RIMS1: variants seen among roughly 807,000 people sequenced by gnomAD.
RIMS1 encodes the protein regulating synaptic membrane exocytosis 1.
A neutral mutation model predicts 214.1 loss-of-function variants in RIMS1; 83 were observed. The ratio of observed to expected loss-of-function variants is 0.39; its 90% CI spans 0.32 to 0.47. The LOEUF is 0.47. RIMS1 is among the 20% of genes least tolerant of loss of function. The pLI is 0.99. For missense variants in RIMS1, 2,050 were observed against 2,161.8 expected, an observed-to-expected ratio of 0.95 and a Z score of 1.03; for synonymous variants, 793 against 786.8, an observed-to-expected ratio of 1.01 and a Z score of -0.13.
At chr6:72,054,813 T>A (rs1035873111) in intron 2 of RIMS1, among the ~76,000 whole-genome samples, 8 of 152,228 alleles carry the variant, frequency 5.3e-5, no homozygotes, top group African/African-American at 1.9e-4. Flanking sequence ...TCCTTATAGA[T>A]TCTGGATATT....
At position 72,358,632 on chromosome 6, in the gene RIMS1, T is replaced by G. The variant is rs187419940; in HGVS notation, c.4366+24797T>G. 2.0e-5 allele frequency among the ~76,000 whole-genome samples: 3 copies of G among 152,226 alleles called. No individual in the cohort carries two copies. In the East Asian group the frequency reaches 5.8e-4, roughly 29 times the overall value. On this transcript the variant is annotated intron_variant, in intron 29 of 33. Transcript: ENST00000521978. ...CAGTTAAGTTTGTCAAGGAAAAGCA[T>G]GGGTTTTGAAATACTTATATTCTAT... is the stretch of plus-strand genomic sequence containing the variant.
At chr6:72,033,749 T>C (rs1167885676) in intron 2 of RIMS1, among the ~76,000 whole-genome samples, 1 of 152,298 alleles carries the variant, frequency 6.6e-6, no homozygotes, top group Middle Eastern at 3.4e-3. Flanking sequence ...CCCAAAGTGC[T>C]GAGATTACAG....
At chr6:72,228,022 A>G (rs1346955301) in intron 6 of RIMS1, among the ~76,000 whole-genome samples, 1 of 151,966 alleles carries the variant, frequency 6.6e-6, no homozygotes, top group South Asian at 2.1e-4. Context: ...AAAACTGTGC[A>G]TATTTATTGT....
At chr6:72,314,987 T>G (rs2095692917) in intron 28 of RIMS1, among the ~76,000 whole-genome samples, 1 of 152,186 alleles carries the variant, frequency 6.6e-6, no homozygotes, top group Non-Finnish European at 1.5e-5. Flanking sequence ...GTGAGTTCAT[T>G]TTCATTCTCC....
At chr6:72,123,028 T>A (rs540204246) in intron 4 of RIMS1, among the ~76,000 whole-genome samples, 11 of 151,994 alleles carry the variant, frequency 7.2e-5, no homozygotes, top group African/African-American at 2.6e-4. Flanking sequence ...TTGAATTTGG[T>A]TGCTCTTGCT....
At chr6:72,096,316 A>G (rs1562300632) in intron 2 of RIMS1, among the ~76,000 whole-genome samples, 2 of 152,228 alleles carry the variant, frequency 1.3e-5, no homozygotes, top group South Asian at 2.1e-4. Context: ...TGTAAAAGCT[A>G]ACATTCTGTG....
intron 29 of RIMS1, among the ~76,000 whole-genome samples, chr6:72,335,741 C>A (rs1432875334): frequency 6.6e-6 from 1 of 151,952 alleles, no homozygotes; most frequent in Non-Finnish European, 1.5e-5. Context: ...TCTGTTGTTT[C>A]CTGACTTTAT....
intron 6 of RIMS1, among the ~76,000 whole-genome samples, chr6:72,217,554 C>G (rs2056722733): frequency 6.6e-6 from 1 of 152,100 alleles, no homozygotes; most frequent in Non-Finnish European, 1.5e-5. Flanking sequence ...CATTTTTCTT[C>G]TCTGATGGAT....
intron 23 of RIMS1, among the ~76,000 whole-genome samples, chr6:72,275,762 C>T (rs2086045100): frequency 6.6e-6 from 1 of 152,038 alleles, no homozygotes; most frequent in African/African-American, 2.4e-5. Context: ...TGTGTAAATT[C>T]AATAAAAATT....
chr6:72,359,389 G>T (rs2097753712), intron 29 of RIMS1, among the ~76,000 whole-genome samples: 2 of 152,210 alleles, frequency 1.3e-5, no homozygotes, highest in Middle Eastern at 3.4e-3. Flanking sequence ...TTACATGTGG[G>T]AGTCAAACAT....
At chr6:72,174,606 G>A (rs986322395) in intron 4 of RIMS1, among the ~76,000 whole-genome samples, 2 of 152,268 alleles carry the variant, frequency 1.3e-5, no homozygotes, top group East Asian at 3.9e-4. Flanking sequence ...GTTATAAGCA[G>A]TTTAAGGACT....
rs571858110 is a variant in RIMS1, at chr6:72,305,567, T to C, written c.3851-1691T>C. Among the ~76,000 whole-genome samples, 13 of 152,196 alleles carry C rather than the reference T, an allele frequency of 8.5e-5. No individual in the cohort carries two copies. The East Asian group carries it at 2.5e-3, about 29-fold the overall frequency. ...TAGGCAAAAGACAGAGAACAGATAT[T>C]TTCACATTTTCTATATTGCATATGT... is the stretch of plus-strand genomic sequence containing the variant. On this transcript the variant is annotated intron_variant, in intron 26 of 33. Transcript: ENST00000521978.
intron 6 of RIMS1, among the ~76,000 whole-genome samples, chr6:72,223,028 T>C (rs1443471785): frequency 1.3e-5 from 2 of 152,222 alleles, no homozygotes; most frequent in East Asian, 3.8e-4. Context: ...TCAATGTGCT[T>C]GTTTGAACAA....
At chr6:72,193,275 C>T (rs2050347738) in intron 6 of RIMS1, among the ~76,000 whole-genome samples, 1 of 152,152 alleles carries the variant, frequency 6.6e-6, no homozygotes, top group African/African-American at 2.4e-5. Context: ...GGGTTGTACA[C>T]ATCTCTGAAG....
rs1482168284 is a variant in RIMS1 at position 72,182,551 on chromosome 6, C to G, written c.1080C>G (p.Asn360Lys). The change falls in exon 6 of 34, where the codon AAC (asparagine) becomes AAG (lysine). Residue 360 changes from asparagine (N) to lysine (K), a missense_variant. This residue lies in a region of RIMS1 where 882 missense variants were observed against 828.9 expected (regional missense o/e 1.06). Coordinates refer to ENST00000521978, the MANE Select transcript of RIMS1 (RefSeq NM_014989.7). ...DYQTRYRSDP[N>K]LARYPVKPPP... Reference sequence around the variant, plus strand: ...AGACCAGGTACCGCAGCGACCCGAACCTAGCTCGGTACCCGGTGAAACCGC... The same window carrying G: ...AGACCAGGTACCGCAGCGACCCGAAGCTAGCTCGGTACCCGGTGAAACCGC... The G allele has an allele frequency of 1.3e-6, 2 of 1,554,308 alleles. No individual in the cohort carries two copies. The highest frequency in any genetic ancestry group is 2.0e-5 in the Admixed American group (1 of 51,264).
At chr6:72,180,272 C>A (rs1321464869) in intron 5 of RIMS1, among the ~76,000 whole-genome samples, 1 of 152,182 alleles carries the variant, frequency 6.6e-6, no homozygotes, top group African/African-American at 2.4e-5. Context: ...GGAATCTGAC[C>A]TATCAGAAAG....
At chr6:72,006,074 C>G (rs1209487733) in intron 2 of RIMS1, among the ~76,000 whole-genome samples, 1 of 152,134 alleles carries the variant, frequency 6.6e-6, no homozygotes, top group African/African-American at 2.4e-5. Flanking sequence ...TTACCGATGG[C>G]CTTCTTGCTT....
In RIMS1 at chr6:72,063,857, C is replaced by T. The variant is rs564729550; in HGVS notation, c.246-33092C>T. 1.2e-4 allele frequency among the ~76,000 whole-genome samples: 18 copies of T among 152,332 alleles called. No homozygotes were observed. The South Asian group carries it at 3.7e-3, about 32-fold the overall frequency. On this transcript the variant is annotated intron_variant, in intron 2 of 33. Coordinates refer to ENST00000521978, the MANE Select transcript of RIMS1 (RefSeq NM_014989.7). ...CCAGAGACTGGATGGCTTCTGGAAG[C>T]AAGAAGTCTGGGATTGAAGTGTGGC...
At chr6:71,894,987 A>T (rs1418736703) in intron 1 of RIMS1, among the ~76,000 whole-genome samples, 1 of 152,214 alleles carries the variant, frequency 6.6e-6, no homozygotes, top group Non-Finnish European at 1.5e-5. Context: ...TAATTTAATT[A>T]TCATCTGGAA....
Sources: gnomAD v4.1 joint callset for allele counts (sites outside exome capture counted in the v4.1 genomes callset) on GRCh38, gnomAD v4.1.1 for gene constraint, gnomAD v4.1.1 regional missense constraint, MANE v1.5 for transcripts, NCBI Gene and HGNC (gene_info 2026-07-23, HGNC 2026-07-21) for gene names.